The following STIL variants were observed in gnomAD, a reference collection of about 807,000 sequenced individuals.
STIL encodes STIL centriolar assembly protein.
Under a neutral mutation model 110.1 loss-of-function variants are expected in STIL, and 55 were observed. That is an observed-to-expected ratio of 0.50 (90% confidence interval 0.40 to 0.63). The LOEUF (loss-of-function observed/expected upper bound fraction) is 0.63. Ranked by LOEUF, STIL falls within the 20% of genes least tolerant of loss-of-function variation. The pLI, the probability that STIL is intolerant of heterozygous loss-of-function variation, is 0.00. For synonymous variants in STIL, 481 were observed against 530.0 expected (o/e 0.91, Z 1.27); for missense variants, 1,358 against 1,530.0 (o/e 0.89, Z 1.87).
Position 47,272,103 on chromosome 1 carries a change from T to C in STIL, c.2356A>G (p.Lys786Glu). 1.9e-6 allele frequency: 3 copies of C among 1,614,174 alleles called. No homozygotes were observed. Among genetic ancestry groups the C allele is most frequent in the Non-Finnish European group, 2.5e-6 (3 of 1,180,014 alleles). Reference sequence around the variant, plus strand: ...GTGCTCACAGCAATGCTTACACCTTTTCTCATGTGCAAGCCAGGGGAAGAC... The same window carrying C: ...GTGCTCACAGCAATGCTTACACCTTCTCTCATGTGCAAGCCAGGGGAAGAC... ...AQSSPGLHMRKGVSIAVSTGA... is the reference protein window; with the variant it reads ...AQSSPGLHMREGVSIAVSTGA... Residue 786 changes from lysine to glutamate, a missense_variant, in exon 13 of 17, where the codon AAA becomes GAA. Coordinates refer to ENST00000371877, the MANE Select transcript of STIL (RefSeq NM_001048166.1).
At chr1:47,303,488 A>G (rs1205746458) in intron 3 of STIL, among the ~76,000 whole-genome samples, 5 of 152,112 alleles carry the variant, frequency 3.3e-5, no homozygotes, top group Non-Finnish European at 7.4e-5. Flanking sequence ...TCGCTTGTAC[A>G]TGGGAGGCGG....
chr1:47,260,767 G>T (rs1026838859), intron 15 of STIL, among the ~76,000 whole-genome samples: 1 of 152,104 alleles, frequency 6.6e-6, no homozygotes, highest in African/African-American at 2.4e-5. Flanking sequence ...TACTTAGGAG[G>T]CTGAAGTAGG....
intron 7 of STIL, among the ~76,000 whole-genome samples, chr1:47,294,380 A>C (rs1027177522): frequency 6.6e-6 from 1 of 152,242 alleles, no homozygotes; most frequent in Admixed American, 6.5e-5. Flanking sequence ...CACATTATCA[A>C]GCATAACACT....
At chr1:47,283,913 G>A (rs1570170597) in intron 10 of STIL, 3 of 151,686 alleles carry the variant, frequency 2.0e-5, no homozygotes, top group Admixed American at 2.0e-4. Context: ...GGGGGGGTGG[G>A]GGGTGGATAG....
At chr1:47,261,439 C>A (rs1312949220) in intron 15 of STIL, among the ~76,000 whole-genome samples, 1 of 150,296 alleles carries the variant, frequency 6.7e-6, no homozygotes, top group Non-Finnish European at 1.5e-5. Context: ...TAAAAACCAA[C>A]GTATTTAAAA....
chr1:47,297,512 C>T (rs1413108482), intron 6 of STIL, among the ~76,000 whole-genome samples: 1 of 151,944 alleles, frequency 6.6e-6, no homozygotes, highest in Non-Finnish European at 1.5e-5. Flanking sequence ...TATTTATTTC[C>T]AATGTCTAAC....
At chr1:47,271,581 A>G (rs1465415149) in intron 13 of STIL, among the ~76,000 whole-genome samples, 1 of 151,138 alleles carries the variant, frequency 6.6e-6, no homozygotes, top group Non-Finnish European at 1.5e-5. Flanking sequence ...AAAAAAAAGT[A>G]AATCATAGTC....
chr1:47,259,722 ATAAT>A (rs1203967869), intron 16 of STIL, among the ~76,000 whole-genome samples: 1 of 152,242 alleles, frequency 6.6e-6, no homozygotes, highest in Non-Finnish European at 1.5e-5. Flanking sequence ...AAAACAAAAA[ATAAT>A]TAACAGAAAA....
intron 1 of STIL, 133 bp from the exon 2 acceptor site, chr1:47,310,495 A>T (rs1265828907): frequency 7.1e-6 from 4 of 562,058 alleles, no homozygotes; most frequent in African/African-American, 1.9e-5. Context: ...ATAAGATTAA[A>T]TGCTTGTAGA....
Position 47,305,275 on chromosome 1 carries a change from A to G in STIL, c.45-279T>C, listed in dbSNP as rs533355980. The G allele has an allele frequency of 2.6e-4, 85 of 321,904 alleles. 2 individuals are homozygous for G. The highest frequency in any genetic ancestry group is 1.3e-3 in the South Asian group (37 of 27,434). 19.9% of individuals were successfully genotyped at this position (321,904 alleles called of 1,614,324 possible). On this transcript the variant is annotated intron_variant, in intron 2 of 16. Transcript: ENST00000371877. Reference sequence around the variant, plus strand: ...TGAGTAGCTGAGATTACAGGAGTGCACCACCACACCCGGCTACTTTTTGTA... The same window carrying G: ...TGAGTAGCTGAGATTACAGGAGTGCGCCACCACACCCGGCTACTTTTTGTA...
At chr1:47,266,561 AC>A (rs1405524736) in intron 14 of STIL, among the ~76,000 whole-genome samples, 3 of 152,212 alleles carry the variant, frequency 2.0e-5, no homozygotes, top group Non-Finnish European at 4.4e-5. Context: ...ACAGGGTCTC[AC>A]TATTTTGCCT....
chr1:47,264,930 T>TAAAAAAAAACAAAAAAAAA (rs1644591892), intron 14 of STIL, among the ~76,000 whole-genome samples: 1 of 128,854 alleles, frequency 7.8e-6, no homozygotes. Flanking sequence ...TTTCTAAAGT[T>TAAAAAAAAACAAAAAAAAA]AAAAAAAAAA....
chr1:47,310,339 C>A lies in STIL; in HGVS notation c.-20G>T, dbSNP rs756346724. 3 of 1,610,762 alleles carry A rather than the reference C, an allele frequency of 1.9e-6. No individual in the cohort carries two copies. Among genetic ancestry groups the A allele is most frequent in the Non-Finnish European group, 2.5e-6 (3 of 1,177,940 alleles). ...CTCCATGATGTCTGGTGAATGATTT[C>A]TTTAATTCCAAATCCTCAGTATCCT... On this transcript the variant is annotated 5_prime_UTR_variant, in exon 2 of 17. Coordinates refer to ENST00000371877, the MANE Select transcript of STIL (RefSeq NM_001048166.1).
intron 2 of STIL, chr1:47,305,369 C>G (rs111599173): frequency 2.0e-5 from 4 of 202,764 alleles, no homozygotes; most frequent in African/African-American, 9.4e-5. Flanking sequence ...AAGTCATCCA[C>G]CTGCCTCGGC....
chr1:47,276,002 C>CTTTT (rs11481235), intron 12 of STIL, among the ~76,000 whole-genome samples: 7 of 146,916 alleles, frequency 4.8e-5, no homozygotes, highest in Non-Finnish European at 4.5e-5. Flanking sequence ...ATGACTCATA[C>CTTTT]TTTTTTTTTT....
At chr1:47,300,823 C>T (rs1384318004) in intron 5 of STIL, among the ~76,000 whole-genome samples, 1 of 152,164 alleles carries the variant, frequency 6.6e-6, no homozygotes, top group African/African-American at 2.4e-5. Flanking sequence ...TGATTCCTTT[C>T]TTGTTACCAC....
rs189449824 is a variant in STIL, at chr1:47,259,087, C to T, written c.3080+1202G>A. The stretch of plus-strand genomic sequence containing the variant: ...CTGCAAGCTCTGCCTCCTGGGTTCA[C>T]GCCATTCTCGTGCCTCAGCCTCCTG... On this transcript the variant is annotated intron_variant, in intron 16 of 16. Transcript: ENST00000371877. Among the ~76,000 whole-genome samples, 812 of 136,962 alleles carry T rather than the reference C, an allele frequency of 5.9e-3. 8 individuals are homozygous for T. Among genetic ancestry groups the T allele is most frequent in the African/African-American group, 0.021 (761 of 37,102 alleles). The allele number at this position is 136,962 out of a possible 152,430, so 89.9% of individuals were successfully genotyped here.
At chr1:47,261,229 A>G (rs1290507880) in intron 15 of STIL, among the ~76,000 whole-genome samples, 1 of 151,336 alleles carries the variant, frequency 6.6e-6, no homozygotes, top group Admixed American at 6.6e-5. Context: ...CTCTAATAAA[A>G]ATACAAAAAT....
chr1:47,271,045 T>C (rs1219810191), intron 13 of STIL, among the ~76,000 whole-genome samples: 1 of 151,998 alleles, frequency 6.6e-6, no homozygotes, highest in Non-Finnish European at 1.5e-5. Context: ...TATTGTTTAC[T>C]TACTCTTTCT....
Sources: allele counts gnomAD v4.1 joint callset (sites outside exome capture counted in the v4.1 genomes callset), GRCh38; gene constraint gnomAD v4.1.1; transcripts MANE v1.5; gene names NCBI Gene and HGNC (gene_info 2026-07-23, HGNC 2026-07-21).